The following DCPS variants were observed in gnomAD, a reference collection of about 807,000 sequenced individuals.
The protein encoded by DCPS is m7GpppX diphosphatase.
DCPS carries 27 observed loss-of-function variants against 34.7 expected under a neutral mutation model. The ratio of observed to expected loss-of-function variants is 0.78; its 90% CI spans 0.57 to 1.07. The LOEUF is 1.07. DCPS is among the 50% of genes least tolerant of loss of function. The pLI is 0.00. For missense variants in DCPS, 464 were observed against 436.9 expected, an observed-to-expected ratio of 1.06 and a Z score of -0.55; for synonymous variants, 185 against 185.7, an observed-to-expected ratio of 1.00 and a Z score of 0.03.
rs546787306 is a variant in DCPS, at chr11:126,317,019, C to T, written c.376+10275C>T. Reference sequence around the variant, plus strand: ...TGTCACCCAGGCTGGAGTGCAGTGGCGCGATCTCAGCTCACTGCAAGCTCC... The same window carrying T: ...TGTCACCCAGGCTGGAGTGCAGTGGTGCGATCTCAGCTCACTGCAAGCTCC... On this transcript the variant is annotated intron_variant, in intron 2 of 5. Coordinates refer to ENST00000263579, the MANE Select transcript of DCPS (RefSeq NM_014026.6). 1.1e-4 allele frequency among the ~76,000 whole-genome samples: 16 copies of T among 143,922 alleles called. No homozygotes were observed. The South Asian group carries it at 1.1e-3, about 10-fold the overall frequency. 94.4% of individuals were successfully genotyped at this position (143,922 alleles called of 152,430 possible).
chr11:126,317,400 C>CTT (rs11292533), intron 2 of DCPS, among the ~76,000 whole-genome samples: 193 of 147,672 alleles, frequency 1.3e-3, no homozygotes, highest in Middle Eastern at 0.01. Context: ...GCATTTTGCT[C>CTT]TTTTTTTTTT....
rs191767840 is a variant in DCPS, at chr11:126,339,454, G to A, written c.636+1055G>A. ...TGCCTATGACACCTTCAGTTTTGAC[G>A]TGGGGTAAAGGGGTGGGATTGTGGC... On this transcript the variant is annotated intron_variant, in intron 4 of 5. Coordinates refer to ENST00000263579, the MANE Select transcript of DCPS (RefSeq NM_014026.6). 3.9e-5 allele frequency among the ~76,000 whole-genome samples: 6 copies of A among 152,340 alleles called. No homozygotes were observed. The South Asian group carries it at 6.2e-4, about 16-fold the overall frequency.
intron 2 of DCPS, among the ~76,000 whole-genome samples, chr11:126,309,624 C>T (rs652534): frequency 0.49 from 74,153 of 151,936 alleles, 20,196 homozygotes; most frequent in East Asian, 0.69. Context: ...ACCCACAATA[C>T]GGAGGGCCGA....
chr11:126,339,488 A>G (rs240541), intron 4 of DCPS, among the ~76,000 whole-genome samples: 74,343 of 152,124 alleles, frequency 0.49, 18,741 homozygotes, highest in East Asian at 0.71. Flanking sequence ...GCTCAGGGTT[A>G]CACAGGCAAG....
chr11:126,321,215 A>T (rs1426403372), intron 2 of DCPS, among the ~76,000 whole-genome samples: 1 of 148,214 alleles, frequency 6.7e-6, no homozygotes, highest in Admixed American at 6.9e-5. Flanking sequence ...AGATGGCGCC[A>T]CCGCACTCCA....
rs1191547997 is a variant in DCPS at position 126,322,759 on chromosome 11, AT to A, written c.377-8638del. ...AGGCGCGTGCCATCACGCCCAGCTA[AT>A]TTTTTTTATTTTTAGTAGAGACGGG... On this transcript the variant is annotated intron_variant, in intron 2 of 5. Transcript: ENST00000263579. This position sits in a 1 kb window ranked among gnomAD's most constrained non-coding sequence, Gnocchi z 4.2. Among the ~76,000 whole-genome samples the A allele has an allele frequency of 6.6e-6, 1 of 151,488 alleles. No individual in the cohort carries two copies.
Position 126,345,232 on chromosome 11 carries a change from G to A in DCPS, c.748-115G>A, listed in dbSNP as rs1951908960. 1 of 1,450,214 alleles carries A rather than the reference G, an allele frequency of 6.9e-7. No homozygotes were observed. Among genetic ancestry groups the A allele is most frequent in the South Asian group, 1.3e-5 (1 of 76,870 alleles). The allele number at this position is 1,450,214 out of a possible 1,614,324, so 89.8% of individuals were successfully genotyped here. On this transcript the variant is annotated intron_variant, in intron 5 of 5. Coordinates refer to ENST00000263579, the MANE Select transcript of DCPS (RefSeq NM_014026.6). The surrounding 1 kb of genome is among the most constrained non-coding windows in gnomAD (Gnocchi z 7.4). ...GTAGAGAGCTGTTTGGAGGGTTTTT[G>A]TGAGCTGTCCCAGGCCAATCCAGGA...
chr11:126,341,607 T>C (rs1012151467), intron 4 of DCPS: 2 of 152,192 alleles, frequency 1.3e-5, no homozygotes. Flanking sequence ...AAACAAATGT[T>C]ACTATTATTT....
At position 126,348,303 on chromosome 11, in the gene DCPS, C is replaced by T. The variant is rs1367917943; in HGVS notation, c.*2690C>T. On this transcript the variant is annotated 3_prime_UTR_variant, in exon 6 of 6. Coordinates refer to ENST00000263579, the MANE Select transcript of DCPS (RefSeq NM_014026.6). The surrounding 1 kb of genome is among the most constrained non-coding windows in gnomAD (Gnocchi z 5.3). ...GTGGGGAGGAGCCTCTCTGGGATAG[C>T]GTCCCCTCACTCCTCTCCCAGCCTC... is the stretch of plus-strand genomic sequence containing the variant. Among the ~76,000 whole-genome samples, 3 of 152,160 alleles carry T rather than the reference C, an allele frequency of 2.0e-5. No homozygotes were observed. The highest frequency in any genetic ancestry group is 1.3e-4 in the Admixed American group (2 of 15,284).
chr11:126,348,067 G>A lies in DCPS; in HGVS notation c.*2454G>A, dbSNP rs1276949107. 6.6e-6 allele frequency among the ~76,000 whole-genome samples: 1 copy of A among 152,054 alleles called. No homozygotes were observed. On this transcript the variant is annotated 3_prime_UTR_variant, in exon 6 of 6. Coordinates refer to ENST00000263579, the MANE Select transcript of DCPS (RefSeq NM_014026.6). This position sits in a 1 kb window ranked among gnomAD's most constrained non-coding sequence, Gnocchi z 5.3. ...AGCGCCTGGCCCCTGGAGGAAGGTGGGTAGGAATTTGACACCGGATAAATA... is the reference window on the plus strand; with the variant it reads ...AGCGCCTGGCCCCTGGAGGAAGGTGAGTAGGAATTTGACACCGGATAAATA...
At position 126,312,623 on chromosome 11, in the gene DCPS, G is replaced by C. The variant is rs891732842; in HGVS notation, c.376+5879G>C. Among the ~76,000 whole-genome samples the C allele has an allele frequency of 6.6e-6, 1 of 152,150 alleles. No individual in the cohort carries two copies. Among genetic ancestry groups the C allele is most frequent in the Non-Finnish European group, 1.5e-5 (1 of 68,032 alleles). On this transcript the variant is annotated intron_variant, in intron 2 of 5. Coordinates refer to ENST00000263579, the MANE Select transcript of DCPS (RefSeq NM_014026.6). This position sits in a 1 kb window ranked among gnomAD's most constrained non-coding sequence, Gnocchi z 5.1. ...CTCAGAGTGCTGGGATTACAGGAGT[G>C]AGCCACCACGCCCAGCTGGTTTCCT... is the stretch of plus-strand genomic sequence containing the variant.
At chr11:126,343,253 G>A in intron 4 of DCPS, 54 bp from the exon 5 acceptor site, 1 of 1,497,114 alleles carries the variant, frequency 6.7e-7, no homozygotes, top group Non-Finnish European at 9.2e-7. Context: ...AGGGTTGGCA[G>A]CCTCCCCAGG....
chr11:126,336,516 C>G lies in DCPS; in HGVS notation c.523-1770C>G, dbSNP rs568656467. ...TGACAGCTGGGAGATGAAACCAGGT[C>G]TCCTTGGCTCAGAACCTGTTCACTC... On this transcript the variant is annotated intron_variant, in intron 3 of 5. Coordinates refer to ENST00000263579, the MANE Select transcript of DCPS (RefSeq NM_014026.6). This position sits in a 1 kb window ranked among gnomAD's most constrained non-coding sequence, Gnocchi z 6.3. 6.6e-6 allele frequency: 1 copy of G among 152,374 alleles called. No individual in the cohort carries two copies. The highest frequency in any genetic ancestry group is 2.1e-4 in the South Asian group (1 of 4,822). The allele number at this position is 152,374 out of a possible 1,614,324, so 9.4% of individuals were successfully genotyped here. A position where few individuals can be genotyped will look rare whatever the true frequency, so the allele number is the denominator to read the frequency against.
chr11:126,320,292 G>C lies in DCPS; in HGVS notation c.377-11113G>C, dbSNP rs1255709281. On this transcript the variant is annotated intron_variant, in intron 2 of 5. Coordinates refer to ENST00000263579, the MANE Select transcript of DCPS (RefSeq NM_014026.6). This position sits in a 1 kb window ranked among gnomAD's most constrained non-coding sequence, Gnocchi z 4.7. ...ACGAAACAGAGTCCCTGCTCTCGTG[G>C]ACTTGATGTTCCACTGGAGATGATC... Among the ~76,000 whole-genome samples the C allele has an allele frequency of 6.6e-6, 1 of 152,182 alleles. No individual in the cohort carries two copies. The highest frequency in any genetic ancestry group is 1.5e-5 in the Non-Finnish European group (1 of 68,036).
chr11:126,313,539 A>G lies in DCPS; in HGVS notation c.376+6795A>G, dbSNP rs1951634479. ...CAGCTGCCTGTATCAATGAAGGATA[A>G]ATCTCACCATGTAGGGCAAGAAAAG... On this transcript the variant is annotated intron_variant, in intron 2 of 5. Transcript: ENST00000263579. The surrounding 1 kb of genome is among the most constrained non-coding windows in gnomAD (Gnocchi z 4.9). 6.6e-6 allele frequency among the ~76,000 whole-genome samples: 1 copy of G among 152,192 alleles called. No individual in the cohort carries two copies. The highest frequency in any genetic ancestry group is 6.5e-5 in the Admixed American group (1 of 15,282).
intron 1 of DCPS, among the ~76,000 whole-genome samples, chr11:126,305,437 T>TTTTTTTTTATTG (rs1951556086): frequency 7.4e-6 from 1 of 135,622 alleles, no homozygotes; most frequent in Non-Finnish European, 1.6e-5. Flanking sequence ...TTTTTTTTTT[T>TTTTTTTTTATTG]GAGATGGAGT....
Position 126,328,376 on chromosome 11 carries a change from G to A in DCPS, c.377-3029G>A, listed in dbSNP as rs1321935688. Among the ~76,000 whole-genome samples the A allele has an allele frequency of 6.6e-6, 1 of 152,150 alleles. No homozygotes were observed. The highest frequency in any genetic ancestry group is 2.4e-5 in the African/African-American group (1 of 41,436). ...CCCCTTAGGAGTGAGTGCTCTAGGG[G>A]GACGTGGGGAGCTCTGAGAGTCCTG... On this transcript the variant is annotated intron_variant, in intron 2 of 5. Transcript: ENST00000263579. The surrounding 1 kb of genome is among the most constrained non-coding windows in gnomAD (Gnocchi z 6.6).
Position 126,334,784 on chromosome 11 carries a change from A to C in DCPS, c.522+3234A>C, listed in dbSNP as rs1251146162. The stretch of plus-strand genomic sequence containing the variant: ...AGGTACTTATAACTTCCCAGTAAAA[A>C]CTGCAGTGGGATGTCTGGATCTGGA... On this transcript the variant is annotated intron_variant, in intron 3 of 5. Transcript: ENST00000263579. The surrounding 1 kb of genome is among the most constrained non-coding windows in gnomAD (Gnocchi z 5.5). Among the ~76,000 whole-genome samples, 2 of 152,130 alleles carry C rather than the reference A, an allele frequency of 1.3e-5. No homozygotes were observed. Among genetic ancestry groups the C allele is most frequent in the Non-Finnish European group, 2.9e-5 (2 of 68,026 alleles).
Position 126,323,873 on chromosome 11 carries a change from C to T in DCPS, c.377-7532C>T, listed in dbSNP as rs1038162264. Among the ~76,000 whole-genome samples, 6 of 152,220 alleles carry T rather than the reference C, an allele frequency of 3.9e-5. No homozygotes were observed. Among genetic ancestry groups the T allele is most frequent in the African/African-American group, 1.4e-4 (6 of 41,528 alleles). On this transcript the variant is annotated intron_variant, in intron 2 of 5. Transcript: ENST00000263579. This position sits in a 1 kb window ranked among gnomAD's most constrained non-coding sequence, Gnocchi z 4.4. Reference sequence around the variant, plus strand: ...TGAGATGGTGTCTTGCTCTGTTGCCCAGACTAGAGTGCAGTGGCGCCATCT... The same window carrying T: ...TGAGATGGTGTCTTGCTCTGTTGCCTAGACTAGAGTGCAGTGGCGCCATCT...
Sources: allele counts gnomAD v4.1 joint callset (sites outside exome capture counted in the v4.1 genomes callset), GRCh38; gene constraint gnomAD v4.1.1; non-coding constraint Gnocchi (gnomAD v3.1); transcripts MANE v1.5; gene names NCBI Gene and HGNC (gene_info 2026-07-23, HGNC 2026-07-21).